The following RIC3 variants were observed in gnomAD, a reference collection of about 807,000 sequenced individuals.
The protein encoded by RIC3 is RIC3 acetylcholine receptor chaperone.
In RIC3, 28 loss-of-function variants were observed where a neutral mutation model predicts 27.3. That is an observed-to-expected ratio of 1.02 (90% CI 0.76 to 1.41). RIC3 has a LOEUF of 1.41. Ranked by LOEUF, RIC3 falls within the 40% of genes most tolerant of loss-of-function variation. The pLI is 0.00. For synonymous variants in RIC3, 184 were observed against 160.4 expected, an observed-to-expected ratio of 1.15 and a Z score of -1.11; for missense variants, 501 against 444.7, an observed-to-expected ratio of 1.13 and a Z score of -1.14.
rs34536745 is a variant in RIC3 at position 8,149,024 on chromosome 11, CA to C, written c.125-8832del. Among the ~76,000 whole-genome samples the C allele has an allele frequency of 2.1e-3, 198 of 96,160 alleles. 1 individual carries two copies. Among genetic ancestry groups the C allele is most frequent in the Admixed American group, 6.2e-3 (52 of 8,416 alleles). 63.1% of individuals were successfully genotyped at this position (96,160 alleles called of 152,430 possible). On this transcript the variant is annotated intron_variant, in intron 1 of 5. Coordinates refer to ENST00000309737, the MANE Select transcript of RIC3 (RefSeq NM_001206671.4). ...TGACACCCTGTCTCTACTAAAAATA[CA>C]AAAAAAAAAAAAAAAAAATTAGCCG...
chr11:8,099,660 T>C, the RIC3 span, among the ~76,000 whole-genome samples: 1 of 152,182 alleles, frequency 6.6e-6, no homozygotes, highest in Non-Finnish European at 1.5e-5. Context: ...AACAGATCTA[T>C]CAGTGAAGTA....
chr11:8,100,821 C>T, the RIC3 span: 2 of 1,613,634 alleles, frequency 1.2e-6, no homozygotes, highest in East Asian at 2.2e-5. Flanking sequence ...AGGCTGCCCT[C>T]CCAGGAGCAT....
chr11:8,100,758 A>G, the RIC3 span: 3 of 1,592,510 alleles, frequency 1.9e-6, no homozygotes, highest in African/African-American at 2.7e-5. Context: ...TTCCCGGGAT[A>G]GATCCCTTTC....
intron 1 of RIC3, among the ~76,000 whole-genome samples, chr11:8,163,158 C>T (rs1488611931): frequency 6.6e-6 from 1 of 151,810 alleles, no homozygotes; most frequent in African/African-American, 2.4e-5. Context: ...TGTAATATGC[C>T]ACATCAGTAA....
the RIC3 span, chr11:8,097,124 CCT>C: frequency 1.3e-5 from 17 of 1,316,932 alleles, no homozygotes; most frequent in South Asian, 2.1e-4. Flanking sequence ...AGGATCCTTC[CCT>C]CTCTCCCACC....
rs144344640 is a variant in RIC3 at position 8,114,831 on chromosome 11, T to C, written c.671-3694A>G. The stretch of plus-strand genomic sequence containing the variant: ...ATTCTACAGCTGAAAAATACGAGAA[T>C]TGAAATGAAAAATGCAATAGAGAGT... On this transcript the variant is annotated intron_variant, in intron 5 of 5. Transcript: ENST00000309737. Among the ~76,000 whole-genome samples the C allele has an allele frequency of 6.3e-3, 956 of 151,730 alleles. 22 individuals are homozygous for C. The highest frequency in any genetic ancestry group is 0.051 in the Admixed American group (781 of 15,246).
downstream of RIC3, chr11:8,101,808 T>C (rs1477123912): frequency 2.1e-6 from 2 of 961,558 alleles, no homozygotes; most frequent in African/African-American, 3.3e-5. Flanking sequence ...AGGGGAGTAG[T>C]GGAGAGCGGG....
chr11:8,138,007 T>G (rs765163860), intron 3 of RIC3, among the ~76,000 whole-genome samples: 1 of 152,182 alleles, frequency 6.6e-6, no homozygotes, highest in Non-Finnish European at 1.5e-5. Context: ...TACCAATATT[T>G]TGAAGTCTGA....
At chr11:8,154,751 GT>G (rs11432659) in intron 1 of RIC3, among the ~76,000 whole-genome samples, 2 of 151,818 alleles carry the variant, frequency 1.3e-5, no homozygotes, top group South Asian at 4.2e-4. Context: ...TAAGATTTGT[GT>G]TTTTTTAAGT....
the RIC3 span, chr11:8,097,450 C>T: frequency 1.9e-6 from 3 of 1,614,002 alleles, no homozygotes; most frequent in Admixed American, 5.0e-5. Context: ...GGCATGTTAT[C>T]ATCTAGGCTT....
the RIC3 span, chr11:8,098,885 A>G: frequency 1.1e-5 from 17 of 1,589,710 alleles, no homozygotes; most frequent in Non-Finnish European, 1.3e-5. Context: ...CGTGAGTCCT[A>G]GGTTCGGGGG....
At chr11:8,163,968 T>C (rs1424478125) in intron 1 of RIC3, among the ~76,000 whole-genome samples, 1 of 152,160 alleles carries the variant, frequency 6.6e-6, no homozygotes, top group Non-Finnish European at 1.5e-5. Flanking sequence ...ACTACAATAA[T>C]TAAGACAGCA....
At chr11:8,166,682 CAATA>C (rs1211095137) in intron 1 of RIC3, among the ~76,000 whole-genome samples, 26 of 152,062 alleles carry the variant, frequency 1.7e-4, no homozygotes, top group Non-Finnish European at 2.8e-4. Context: ...CCAGCCTGGA[CAATA>C]CAATGAGACC....
chr11:8,129,945 A>T (rs183185643), intron 4 of RIC3, among the ~76,000 whole-genome samples: 1 of 152,296 alleles, frequency 6.6e-6, no homozygotes, highest in Non-Finnish European at 1.5e-5. Flanking sequence ...TCTCAGACAC[A>T]CTCAGTGCTG....
At chr11:8,098,206 G>C in the RIC3 span, among the ~76,000 whole-genome samples, 2 of 152,152 alleles carry the variant, frequency 1.3e-5, no homozygotes, top group African/African-American at 4.8e-5. Context: ...AATCTTGGGG[G>C]TGGGGGGCAG....
At chr11:8,155,532 C>T (rs1390161919) in intron 1 of RIC3, among the ~76,000 whole-genome samples, 2 of 151,962 alleles carry the variant, frequency 1.3e-5, no homozygotes, top group Non-Finnish European at 2.9e-5. Flanking sequence ...GCCAAAATCG[C>T]GCCACTGCAC....
In RIC3 at chr11:8,111,003, C is replaced by G. The variant is rs1382302885; in HGVS notation, c.805G>C (p.Glu269Gln). Reference protein sequence around the residue: ...EEIAERMGMIEEEESDHLGWE... With the variant: ...EEIAERMGMIQEEESDHLGWE... ...CCCAAATGATCTGATTCTTCCTCTT[C>G]TATCATTCCCATTCTTTCAGCTATT... Residue 269 changes from glutamate (E) to glutamine (Q), a missense_variant, in exon 6 of 6, where the codon GAA becomes CAA. Physicochemically the swap from Glu to Gln is conservative, Grantham distance 29. Transcript: ENST00000309737. The G allele has an allele frequency of 6.2e-7, 1 of 1,614,198 alleles. No homozygotes were observed. Among genetic ancestry groups the G allele is most frequent in the Non-Finnish European group, 8.5e-7 (1 of 1,180,038 alleles).
intron 1 of RIC3, among the ~76,000 whole-genome samples, chr11:8,163,602 A>C (rs968528498): frequency 2.0e-5 from 3 of 152,192 alleles, no homozygotes; most frequent in Non-Finnish European, 4.4e-5. Context: ...AACAAAATTT[A>C]TAACAACATC....
intron 1 of RIC3, among the ~76,000 whole-genome samples, chr11:8,149,061 C>T (rs944552071): frequency 3.4e-5 from 5 of 148,792 alleles, no homozygotes; most frequent in South Asian, 2.1e-4. Context: ...GGTATGGTGG[C>T]GGGCACCTGT....
Sources: gnomAD v4.1 joint callset for allele counts (sites outside exome capture counted in the v4.1 genomes callset) on GRCh38, gnomAD v4.1.1 for gene constraint, MANE v1.5 for transcripts, NCBI Gene and HGNC (gene_info 2026-07-23, HGNC 2026-07-21) for gene names.